FLRT3: variants seen among roughly 807,000 people sequenced by gnomAD.
FLRT3 encodes leucine-rich repeat transmembrane protein FLRT3.
In FLRT3, 17 loss-of-function variants were observed where a neutral mutation model predicts 42.6. The observed-to-expected ratio is 0.40, with a 90% CI of 0.27 to 0.60. The LOEUF is 0.60. Ranked by LOEUF, FLRT3 falls within the 20% of genes least tolerant of loss-of-function variation. The pLI, the probability that FLRT3 is intolerant of heterozygous loss-of-function variation, is 0.44. For missense variants in FLRT3, 635 were observed against 789.2 expected (o/e 0.80, Z 2.34); for synonymous variants, 279 against 286.4 (o/e 0.97, Z 0.26).
At position 14,324,995 on chromosome 20, in the gene FLRT3, A is replaced by G. The variant is rs2082711065; in HGVS notation, c.*562T>C. On this transcript the variant is annotated 3_prime_UTR_variant, in exon 3 of 3. Transcript: ENST00000341420. ...ATATGCAGGAAGTTTGATATTGCCC[A>G]TTACTTCACACATTTTGATTTATTG... 6.6e-6 allele frequency: 1 copy of G among 152,628 alleles called. No homozygotes were observed. Among genetic ancestry groups the G allele is most frequent in the African/African-American group, 2.4e-5 (1 of 41,460 alleles). 9.5% of individuals were successfully genotyped at this position (152,628 alleles called of 1,614,324 possible).
intron 1 of FLRT3, among the ~76,000 whole-genome samples, chr20:14,333,571 A>T (rs1350516162): frequency 6.6e-6 from 1 of 152,202 alleles, no homozygotes; most frequent in Non-Finnish European, 1.5e-5. Flanking sequence ...AAATGCAATT[A>T]AAAGTTTGCC....
chr20:14,326,830 T>G lies in FLRT3; in HGVS notation c.677A>C (p.Asn226Thr), dbSNP rs1345197008. Residue 226 changes from asparagine (N) to threonine (T), a missense_variant, in exon 3 of 3, where the codon AAT becomes ACT. By Grantham distance (65) the Asn-to-Thr change is moderately conservative (BLOSUM62 0). Transcript: ENST00000341420. This position sits in a 1 kb window ranked among gnomAD's most constrained non-coding sequence, Gnocchi z 5.5. ...CCGCACCAGGGACAGCTCTGTCAAATTAACTAGGTTGAAGAAAACTTTGTC... is the reference window on the plus strand; with the variant it reads ...CCGCACCAGGGACAGCTCTGTCAAAGTAACTAGGTTGAAGAAAACTTTGTC... Reference protein sequence around the residue: ...LGDKVFFNLVNLTELSLVRNS... With the variant: ...LGDKVFFNLVTLTELSLVRNS... The G allele has an allele frequency of 6.2e-7, 1 of 1,613,710 alleles. No homozygotes were observed. Among genetic ancestry groups the G allele is most frequent in the South Asian group, 1.1e-5 (1 of 91,074 alleles).
chr20:14,335,815 G>A (rs914303380), intron 1 of FLRT3, among the ~76,000 whole-genome samples: 7 of 152,024 alleles, frequency 4.6e-5, no homozygotes, highest in Admixed American at 3.3e-4. Context: ...AAATCTATGC[G>A]TTTTTGTAAC....
rs140514613 is a variant in FLRT3, at chr20:14,326,366, A to G, written c.1141T>C (p.Trp381Arg). ...PNTVYPAQGQWPAPVTKQPDI... is the reference protein window; with the variant it reads ...PNTVYPAQGQRPAPVTKQPDI... ...GGCTGTTTGGTCACTGGAGCTGGCC[A>G]CTGTCCTTGGGCAGGATACACTGTG... Residue 381 changes from tryptophan to arginine, a missense_variant, in exon 3 of 3, where the codon TGG (tryptophan) becomes CGG (arginine). Trp to Arg is a moderately radical substitution (Grantham distance 101, BLOSUM62 -3). Coordinates refer to ENST00000341420, the MANE Select transcript of FLRT3 (RefSeq NM_198391.3). This position sits in a 1 kb window ranked among gnomAD's most constrained non-coding sequence, Gnocchi z 5.5. 2.6e-5 allele frequency: 42 copies of G among 1,613,782 alleles called. No homozygotes were observed. In the African/African-American group the frequency reaches 3.3e-4, roughly 13 times the overall value.
In FLRT3 at chr20:14,327,044, A is replaced by T. The variant is rs145495316; in HGVS notation, c.463T>A (p.Tyr155Asn). Residue 155 changes from tyrosine (Y) to asparagine (N), a missense_variant, in exon 3 of 3, where the codon TAT becomes AAT. Physicochemically the swap from Tyr to Asn is moderately radical, Grantham distance 143. Transcript: ENST00000341420. ...CGGGACAGGAAAAGCAGTCGGAGAT[A>T]GTTGCTGTCTCGGAATGCTCCCTCT... ...IEEGAFRDSN[Y>N]LRLLFLSRNH... 8.1e-6 allele frequency: 13 copies of T among 1,613,674 alleles called. No individual in the cohort carries two copies. Among genetic ancestry groups the T allele is most frequent in the Non-Finnish European group, 1.1e-5 (13 of 1,179,814 alleles).
At position 14,327,493 on chromosome 20, in the gene FLRT3, G is replaced by A; in HGVS notation, c.14C>T (p.Ala5Val). The A allele has an allele frequency of 6.2e-7, 1 of 1,612,244 alleles. No individual in the cohort carries two copies. The highest frequency in any genetic ancestry group is 8.5e-7 in the Non-Finnish European group (1 of 1,178,864). ...AGTCCCGATGAGGAAGATGCTCCAG[G>A]CTGCGCTGATCATGGTCAGCAGTGT... is the stretch of plus-strand genomic sequence containing the variant. MISA[A>V]WSIFLIGTKI... Residue 5 changes from alanine (A) to valine (V), a missense_variant, in exon 3 of 3, where the codon GCC becomes GTC. Ala to Val is a moderately conservative substitution (Grantham distance 64). Transcript: ENST00000341420.
Position 14,326,334 on chromosome 20 carries a change from A to C in FLRT3, c.1173T>G (p.Ile391Met). 6.2e-7 allele frequency: 1 copy of C among 1,613,862 alleles called. No homozygotes were observed. Among genetic ancestry groups the C allele is most frequent in the Non-Finnish European group, 8.5e-7 (1 of 1,179,852 alleles). Residue 391 changes from isoleucine (I) to methionine (M), a missense_variant, in exon 3 of 3, where the codon ATT becomes ATG. Ile to Met is a conservative substitution (Grantham distance 10, BLOSUM62 1). Coordinates refer to ENST00000341420, the MANE Select transcript of FLRT3 (RefSeq NM_198391.3). This position sits in a 1 kb window ranked among gnomAD's most constrained non-coding sequence, Gnocchi z 5.5. ...WPAPVTKQPDIKNPKLTKDHQ... is the reference protein window; with the variant it reads ...WPAPVTKQPDMKNPKLTKDHQ... ...GATCCTTAGTGAGCTTGGGGTTCTTAATATCTGGCTGTTTGGTCACTGGAG... is the reference window on the plus strand; with the variant it reads ...GATCCTTAGTGAGCTTGGGGTTCTTCATATCTGGCTGTTTGGTCACTGGAG...
Position 14,323,851 on chromosome 20 carries a change from C to CT in FLRT3, c.*1705_*1706insA, listed in dbSNP as rs1289053107. ...AAGACCACCTTAAAAAGTATCAGGA[C>CT]AGTGGCAGCAGTGCGCCTAAGAGAG... On this transcript the variant is annotated 3_prime_UTR_variant, in exon 3 of 3. Coordinates refer to ENST00000341420, the MANE Select transcript of FLRT3 (RefSeq NM_198391.3). 6.6e-6 allele frequency: 1 copy of CT among 152,160 alleles called. No homozygotes were observed. The highest frequency in any genetic ancestry group is 1.5e-5 in the Non-Finnish European group (1 of 68,040). The allele number at this position is 152,160 out of a possible 1,614,324, so 9.4% of individuals were successfully genotyped here.
chr20:14,337,391 G>T lies in FLRT3; in HGVS notation c.-247+13C>A. 25 of 320,052 alleles carry T rather than the reference G, an allele frequency of 7.8e-5. No homozygotes were observed. The highest frequency in any genetic ancestry group is 1.6e-4 in the South Asian group (1 of 6,204). 19.8% of individuals were successfully genotyped at this position (320,052 alleles called of 1,614,324 possible). On this transcript the variant is annotated intron_variant, in intron 1 of 2. Transcript: ENST00000341420. ...CTGGGACAATCATAAGAAAAAACAT[G>T]GAAAACACTTACCAGGAAGACGAGA...
At chr20:14,333,969 A>G (rs2082889412) in intron 1 of FLRT3, among the ~76,000 whole-genome samples, 1 of 152,230 alleles carries the variant, frequency 6.6e-6, no homozygotes, top group Non-Finnish European at 1.5e-5. Flanking sequence ...AATAAAGAAC[A>G]AAAGCTGTCA....
In FLRT3 at chr20:14,324,536, A is replaced by G. The variant is rs1433320611; in HGVS notation, c.*1021T>C. 1 of 152,382 alleles carries G rather than the reference A, an allele frequency of 6.6e-6. No homozygotes were observed. The highest frequency in any genetic ancestry group is 2.4e-5 in the African/African-American group (1 of 41,430). 9.4% of individuals were successfully genotyped at this position (152,382 alleles called of 1,614,324 possible). On this transcript the variant is annotated 3_prime_UTR_variant, in exon 3 of 3. Transcript: ENST00000341420. ...ATGTCTAGTATTTATTTTTCTTTAAATTATCTCTTATTTAAAGAACTACTT... is the reference window on the plus strand; with the variant it reads ...ATGTCTAGTATTTATTTTTCTTTAAGTTATCTCTTATTTAAAGAACTACTT...
rs374161251 is a variant in FLRT3, at chr20:14,327,205, T to A, written c.302A>T (p.Asn101Ile). 6.2e-7 allele frequency: 1 copy of A among 1,613,674 alleles called. No individual in the cohort carries two copies. Among genetic ancestry groups the A allele is most frequent in the Non-Finnish European group, 8.5e-7 (1 of 1,179,726 alleles). Residue 101 changes from asparagine (N) to isoleucine (I), a missense_variant, in exon 3 of 3, where the codon AAC (asparagine) becomes ATC (isoleucine). Physicochemically the swap from Asn to Ile is moderately radical, Grantham distance 149. Coordinates refer to ENST00000341420, the MANE Select transcript of FLRT3 (RefSeq NM_198391.3). ...TAACTCTTTTACATACTTTGGGAGG[T>A]TGGTAGGAAATTCATCTAAACTGTT... ...YHNSLDEFPTNLPKYVKELHL... is the reference protein window; with the variant it reads ...YHNSLDEFPTILPKYVKELHL...
At chr20:14,332,252 T>G (rs2082857658) in intron 1 of FLRT3, among the ~76,000 whole-genome samples, 1 of 152,114 alleles carries the variant, frequency 6.6e-6, no homozygotes, top group Non-Finnish European at 1.5e-5. Context: ...AGCTTCCAAT[T>G]TATTTCCATG....
chr20:14,329,441 G>A (rs906996953), intron 1 of FLRT3, 114 bp from the exon 2 acceptor site: 2 of 152,000 alleles, frequency 1.3e-5, no homozygotes, highest in African/African-American at 2.4e-5. Context: ...CATCATAGTG[G>A]TTAGTCAGAA....
chr20:14,325,875 A>C lies in FLRT3; in HGVS notation c.1632T>G (p.Leu544=), dbSNP rs2082724969. Residue 544 remains leucine (L), a synonymous_variant, in exon 3 of 3, where the codon CTT becomes CTG. Transcript: ENST00000341420. ...GAACATACCAACACACTAAAGCAAG[A>C]AGGGCAATGGTAACCAGGGCCACAG... is the stretch of plus-strand genomic sequence containing the variant. ...GGAVALVTIA[L]LALVCWYVHR... is the part of the protein sequence containing the mutation. 1 of 1,613,970 alleles carries C rather than the reference A, an allele frequency of 6.2e-7. No individual in the cohort carries two copies. The highest frequency in any genetic ancestry group is 8.5e-7 in the Non-Finnish European group (1 of 1,179,892).
At chr20:14,328,590 G>A (rs1041568555) in intron 2 of FLRT3, among the ~76,000 whole-genome samples, 4 of 152,142 alleles carry the variant, frequency 2.6e-5, no homozygotes, top group Non-Finnish European at 4.4e-5. Context: ...CTTATTGAAC[G>A]ATGTGAGTAA....
At chr20:14,330,790 G>A (rs2082821781) in intron 1 of FLRT3, among the ~76,000 whole-genome samples, 1 of 152,008 alleles carries the variant, frequency 6.6e-6, no homozygotes. Context: ...GCTCATTATT[G>A]TCAAATTCCA....
rs1459880498 is a variant in FLRT3, at chr20:14,326,571, C to T, written c.936G>A (p.Lys312=). ...LRNNPWYCGC[K]MKWVRDWLQS... ...GTAACCAGTCACGTACCCATTTCAT[C>T]TTGCACCCGCAATACCAGGGATTGT... The change falls in exon 3 of 3, where the codon AAG becomes AAA. Residue 312 remains lysine (K), a synonymous_variant. Coordinates refer to ENST00000341420, the MANE Select transcript of FLRT3 (RefSeq NM_198391.3). This position sits in a 1 kb window ranked among gnomAD's most constrained non-coding sequence, Gnocchi z 5.5. 2.5e-6 allele frequency: 4 copies of T among 1,613,910 alleles called. No homozygotes were observed. The highest frequency in any genetic ancestry group is 3.4e-6 in the Non-Finnish European group (4 of 1,179,856).
chr20:14,331,977 T>C lies in FLRT3; in HGVS notation c.-246-2650A>G, dbSNP rs892376640. Among the ~76,000 whole-genome samples, 6 of 152,240 alleles carry C rather than the reference T, an allele frequency of 3.9e-5. No homozygotes were observed. In the East Asian group the frequency reaches 9.7e-4, roughly 25 times the overall value. On this transcript the variant is annotated intron_variant, in intron 1 of 2. Transcript: ENST00000341420. The stretch of plus-strand genomic sequence containing the variant: ...CTTCTGAACAAAATGAATCGATCTT[T>C]TAGAAAAATACTGTTAATGGGGTAA...
Sources: gnomAD v4.1 joint callset for allele counts (sites outside exome capture counted in the v4.1 genomes callset) on GRCh38, gnomAD v4.1.1 for gene constraint, Gnocchi (gnomAD v3.1) non-coding constraint, MANE v1.5 for transcripts, NCBI Gene and HGNC (gene_info 2026-07-23, HGNC 2026-07-21) for gene names.